The following PRRG1 variants were observed in gnomAD, a reference collection of about 807,000 sequenced individuals.
PRRG1 encodes proline rich and Gla domain 1.
Under a neutral mutation model 11.8 loss-of-function variants are expected in PRRG1, and 5 were observed. The ratio of observed to expected loss-of-function variants is 0.42; its 90% CI spans 0.22 to 0.89. The LOEUF is 0.89. Ranked by LOEUF, PRRG1 falls within the 40% of genes least tolerant of loss-of-function variation. The pLI is 0.28. For missense variants in PRRG1, 155 were observed against 166.1 expected (o/e 0.93, Z 0.37); for synonymous variants, 66 against 60.4 (o/e 1.09, Z -0.43).
Position 37,456,660 on chromosome X carries a change from C to T in PRRG1, c.*3039C>T, listed in dbSNP as rs1385760255. ...TTTTTTAAAATCCCTTTTGCTACCC[C>T]ATCTGGTTTTATAAACTGAGTTTCT... is the stretch of plus-strand genomic sequence containing the variant. On this transcript the variant is annotated 3_prime_UTR_variant, in exon 4 of 4. Coordinates refer to ENST00000378628, the MANE Select transcript of PRRG1 (RefSeq NM_001142395.2). The T allele has an allele frequency of 1.8e-5, 2 of 112,093 alleles. No individual in the cohort carries two copies. Among genetic ancestry groups the T allele is most frequent in the African/African-American group, 6.5e-5 (2 of 30,842 alleles). The allele number at this position is 112,093 out of a possible 1,213,427, so 9.2% of individuals were successfully genotyped here.
chrX:37,441,707 A>G, intron 3 of PRRG1: 1 of 794,786 alleles, frequency 1.3e-6, no homozygotes, highest in Non-Finnish European at 1.5e-6. Context: ...CAGTTGCACA[A>G]GAAGAGGGAG....
intron 1 of PRRG1, among the ~76,000 whole-genome samples, chrX:37,374,298 G>A (rs782555292): frequency 1.8e-5 from 2 of 111,695 alleles, no homozygotes; most frequent in African/African-American, 6.5e-5. Context: ...TTGTTGTTTT[G>A]ACTGTGATAT....
intron 2 of PRRG1, among the ~76,000 whole-genome samples, chrX:37,413,000 G>C (rs187544870): frequency 7.7e-4 from 86 of 111,234 alleles, no homozygotes; most frequent in African/African-American, 2.1e-3. Context: ...AAAGGTTGCT[G>C]TGCAACCTTC....
chrX:37,418,989 T>A (rs1480393670), intron 2 of PRRG1, among the ~76,000 whole-genome samples: 26 of 112,106 alleles, frequency 2.3e-4, no homozygotes, highest in African/African-American at 8.1e-4. Context: ...AAGCATCAAG[T>A]GAGTTGTAAT....
chrX:37,396,266 T>C (rs909358120), intron 1 of PRRG1, among the ~76,000 whole-genome samples: 4 of 112,364 alleles, frequency 3.6e-5, no homozygotes, highest in Admixed American at 2.8e-4. Flanking sequence ...CCAATATGAC[T>C]TCCATATACA....
At chrX:37,413,443 A>T (rs1932406158) in intron 2 of PRRG1, among the ~76,000 whole-genome samples, 1 of 111,130 alleles carries the variant, frequency 9.0e-6, no homozygotes, top group Non-Finnish European at 1.9e-5. Context: ...TGCATTTAGG[A>T]TTCTTTCATG....
intron 2 of PRRG1, among the ~76,000 whole-genome samples, chrX:37,406,632 TAAAG>T (rs1330646565): frequency 1.8e-5 from 2 of 110,418 alleles, no homozygotes; most frequent in African/African-American, 6.6e-5. Context: ...TAACACAAAA[TAAAG>T]AGAGTCTACT....
intron 3 of PRRG1, among the ~76,000 whole-genome samples, chrX:37,432,015 A>G (rs1461605103): frequency 1.8e-5 from 2 of 109,431 alleles, no homozygotes; most frequent in Non-Finnish European, 3.8e-5. Context: ...GAGCTCAGGC[A>G]ATCCACCCAC....
chrX:37,355,434 G>A (rs1346463029), intron 1 of PRRG1, among the ~76,000 whole-genome samples: 2 of 111,726 alleles, frequency 1.8e-5, no homozygotes, highest in African/African-American at 3.3e-5. Flanking sequence ...TAGTTTTATT[G>A]GTAAATTGCT....
chrX:37,432,812 C>T (rs1556390817), intron 3 of PRRG1, among the ~76,000 whole-genome samples: 1 of 111,547 alleles, frequency 9.0e-6, no homozygotes, highest in African/African-American at 3.3e-5. Context: ...GGCTAACTGC[C>T]TACTCAACAT....
intron 2 of PRRG1, among the ~76,000 whole-genome samples, chrX:37,417,850 C>T (rs1932543262): frequency 8.9e-6 from 1 of 111,734 alleles, no homozygotes; most frequent in African/African-American, 3.3e-5. Flanking sequence ...TAAAGCTAAG[C>T]ACAGGATTGG....
chrX:37,403,564 G>A (rs182351596), intron 1 of PRRG1, among the ~76,000 whole-genome samples: 2,669 of 105,816 alleles, frequency 0.025, 103 homozygotes, highest in African/African-American at 0.087. Context: ...CACCAGCATG[G>A]CACATGTATA....
chrX:37,398,286 C>T (rs1462859816), intron 1 of PRRG1, among the ~76,000 whole-genome samples: 1 of 111,367 alleles, frequency 9.0e-6, no homozygotes, highest in Non-Finnish European at 1.9e-5. Flanking sequence ...GACAAAACTT[C>T]CAGAGGAACG....
chrX:37,378,720 C>T (rs1367835281), intron 1 of PRRG1, among the ~76,000 whole-genome samples: 1 of 111,256 alleles, frequency 9.0e-6, no homozygotes, highest in Non-Finnish European at 1.9e-5. Context: ...ATGTCCTTCT[C>T]TTTATTCTGG....
chrX:37,442,635 A>G (rs1273246080), intron 3 of PRRG1, among the ~76,000 whole-genome samples: 1 of 111,343 alleles, frequency 9.0e-6, no homozygotes, highest in African/African-American at 3.3e-5. Flanking sequence ...CAGGGATTAA[A>G]ATAAAGGGGG....
At chrX:37,426,229 C>T (rs1478971405) in intron 3 of PRRG1, among the ~76,000 whole-genome samples, 2 of 111,309 alleles carry the variant, frequency 1.8e-5, no homozygotes, top group Non-Finnish European at 3.8e-5. Context: ...CTCTGCTGAG[C>T]GAGGATTTAT....
At chrX:37,388,074 C>T (rs782496536) in intron 1 of PRRG1, among the ~76,000 whole-genome samples, 99 of 111,964 alleles carry the variant, frequency 8.8e-4, no homozygotes, top group Non-Finnish European at 1.3e-3. Flanking sequence ...AAATAATCTC[C>T]TTTGGCTCCA....
chrX:37,443,835 T>C (rs1257343761), intron 3 of PRRG1, among the ~76,000 whole-genome samples: 3 of 112,418 alleles, frequency 2.7e-5, no homozygotes, highest in Non-Finnish European at 5.6e-5. Flanking sequence ...CTTTGCCATA[T>C]CTTTTGGCCT....
At chrX:37,403,585 T>C (rs1932096194) in intron 1 of PRRG1, among the ~76,000 whole-genome samples, 1 of 107,066 alleles carries the variant, frequency 9.3e-6, no homozygotes, top group Non-Finnish European at 1.9e-5. Context: ...CATATGTAAC[T>C]AAGCTGGACA....
Sources: allele counts gnomAD v4.1 joint callset (sites outside exome capture counted in the v4.1 genomes callset), GRCh38; gene constraint gnomAD v4.1.1; transcripts MANE v1.5; gene names NCBI Gene and HGNC (gene_info 2026-07-23, HGNC 2026-07-21).